The following KCNK1 variants were observed in gnomAD, a reference collection of about 807,000 sequenced individuals.
The protein encoded by KCNK1 is potassium two pore domain channel subfamily K member 1.
In KCNK1, 10 loss-of-function variants were observed where a neutral mutation model predicts 22.2. The ratio of observed to expected loss-of-function variants is 0.45; its 90% CI spans 0.28 to 0.76. KCNK1 has a LOEUF of 0.76. Ranked by LOEUF, KCNK1 falls within the 30% of genes least tolerant of loss-of-function variation. The pLI is 0.14. For synonymous variants in KCNK1, 200 were observed against 186.4 expected, an observed-to-expected ratio of 1.07 and a Z score of -0.60; for missense variants, 378 against 421.0, an observed-to-expected ratio of 0.90 and a Z score of 0.89.
In KCNK1 at chr1:233,671,582, G is replaced by A; in HGVS notation, c.*52G>A. On this transcript the variant is annotated 3_prime_UTR_variant, in exon 3 of 3. Transcript: ENST00000366621. ...AGCACCAGGGTCAGGGTGCAAGGAA[G>A]AGGCTTAAGTATGTTCATTTTTATC... 1 of 1,604,480 alleles carries A rather than the reference G, an allele frequency of 6.2e-7. No individual in the cohort carries two copies. Among genetic ancestry groups the A allele is most frequent in the Non-Finnish European group, 8.5e-7 (1 of 1,173,758 alleles).
At chr1:233,647,295 A>G (rs1251698121) in intron 1 of KCNK1, among the ~76,000 whole-genome samples, 3 of 152,180 alleles carry the variant, frequency 2.0e-5, no homozygotes, top group Non-Finnish European at 4.4e-5. Context: ...GTTCTGGTTT[A>G]ATGAATCACA....
intron 1 of KCNK1, among the ~76,000 whole-genome samples, chr1:233,627,378 C>G (rs1334973716): frequency 8.5e-5 from 13 of 152,200 alleles, no homozygotes; most frequent in Non-Finnish European, 1.8e-4. Context: ...CACGGGTTAC[C>G]AAGGCACTTA....
At chr1:233,650,066 TTGTCCTTGTAATA>T (rs1440025155) in intron 1 of KCNK1, 3 of 533,258 alleles carry the variant, frequency 5.6e-6, no homozygotes, top group South Asian at 4.2e-5. Context: ...TGACACTTTC[TTGTCCTTGTAATA>T]TGCCACCTAG....
At position 233,671,647 on chromosome 1, in the gene KCNK1, C is replaced by CTACTGT; in HGVS notation, c.*119_*124dup. 1 of 1,188,258 alleles carries CTACTGT rather than the reference C, an allele frequency of 8.4e-7. No individual in the cohort carries two copies. Among genetic ancestry groups the CTACTGT allele is most frequent in the Non-Finnish European group, 1.2e-6 (1 of 843,878 alleles). The allele number at this position is 1,188,258 out of a possible 1,614,324, so 73.6% of individuals were successfully genotyped here. ...AAAATTATGTCACTTTAAGAAATAG[C>CTACTGT]TACTGTTTGCAATGTCTTATTAAAA... On this transcript the variant is annotated 3_prime_UTR_variant, in exon 3 of 3. Coordinates refer to ENST00000366621, the MANE Select transcript of KCNK1 (RefSeq NM_002245.4).
intron 1 of KCNK1, among the ~76,000 whole-genome samples, chr1:233,654,372 A>G (rs1571901384): frequency 6.6e-6 from 1 of 152,208 alleles, no homozygotes; most frequent in Non-Finnish European, 1.5e-5. Flanking sequence ...AAATTTTTTT[A>G]AAAAGCGTCA....
Position 233,671,959 on chromosome 1 carries a change from T to G in KCNK1, c.*429T>G. On this transcript the variant is annotated 3_prime_UTR_variant, in exon 3 of 3. Transcript: ENST00000366621. ...CATAGAGATGTGTTTTATAAATAGGTTTATGTGTACTGGTTTGCATGTACC... is the reference window on the plus strand; with the variant it reads ...CATAGAGATGTGTTTTATAAATAGGGTTATGTGTACTGGTTTGCATGTACC... The G allele has an allele frequency of 5.3e-6, 1 of 188,154 alleles. No individual in the cohort carries two copies. The highest frequency in any genetic ancestry group is 1.1e-5 in the Non-Finnish European group (1 of 89,632). The allele number at this position is 188,154 out of a possible 1,614,324, so 11.7% of individuals were successfully genotyped here.
intron 1 of KCNK1, chr1:233,629,911 C>G (rs925359945): frequency 3.9e-5 from 6 of 152,284 alleles, no homozygotes; most frequent in African/African-American, 1.2e-4. Context: ...ACTAGAAAGC[C>G]TGGGTGAGTA....
At chr1:233,656,840 G>C (rs1658307930) in intron 1 of KCNK1, among the ~76,000 whole-genome samples, 1 of 152,036 alleles carries the variant, frequency 6.6e-6, no homozygotes, top group Admixed American at 6.5e-5. Context: ...GTGATCTTGA[G>C]CTCCTGGCCT....
chr1:233,660,116 G>A (rs886067488), intron 1 of KCNK1, among the ~76,000 whole-genome samples: 2 of 152,200 alleles, frequency 1.3e-5, no homozygotes, highest in Non-Finnish European at 2.9e-5. Context: ...CATCAGTGTT[G>A]TTTGAATATT....
chr1:233,646,910 G>T (rs1218523962), intron 1 of KCNK1, among the ~76,000 whole-genome samples: 3 of 152,168 alleles, frequency 2.0e-5, no homozygotes, highest in African/African-American at 7.2e-5. Context: ...GGCTTGGATG[G>T]AAGCTCACAT....
At chr1:233,634,958 T>G (rs923397037) in intron 1 of KCNK1, among the ~76,000 whole-genome samples, 1 of 152,198 alleles carries the variant, frequency 6.6e-6, no homozygotes, top group African/African-American at 2.4e-5. Flanking sequence ...ATTATAACCC[T>G]CACTCGTACT....
At chr1:233,646,550 AT>A (rs1658096914) in intron 1 of KCNK1, among the ~76,000 whole-genome samples, 1 of 151,768 alleles carries the variant, frequency 6.6e-6, no homozygotes, top group Non-Finnish European at 1.5e-5. Flanking sequence ...TATTATTATT[AT>A]TATTATTTTG....
At chr1:233,660,090 A>C (rs1442614358) in intron 1 of KCNK1, among the ~76,000 whole-genome samples, 3 of 152,242 alleles carry the variant, frequency 2.0e-5, no homozygotes, top group African/African-American at 7.2e-5. Context: ...ATGAGTAGTC[A>C]AGGGGACATT....
chr1:233,637,829 C>T (rs1425277151), intron 1 of KCNK1, among the ~76,000 whole-genome samples: 1 of 152,148 alleles, frequency 6.6e-6, no homozygotes, highest in African/African-American at 2.4e-5. Flanking sequence ...GTTCTATTCA[C>T]TGGGCTGAAT....
intron 2 of KCNK1, 40 bp from the exon 3 acceptor site, chr1:233,671,231 G>T: frequency 1.2e-6 from 2 of 1,600,536 alleles, no homozygotes; most frequent in Non-Finnish European, 1.7e-6. Context: ...ATTTATCCAT[G>T]TTGAGATCAC....
chr1:233,614,594 G>A, intron 1 of KCNK1, 68 bp downstream of exon 1: 1 of 1,285,192 alleles, frequency 7.8e-7, no homozygotes. Context: ...CCCCGGCCCC[G>A]GCGCCCCGGG....
chr1:233,657,236 C>G (rs867189253), intron 1 of KCNK1, among the ~76,000 whole-genome samples: 1 of 152,114 alleles, frequency 6.6e-6, no homozygotes, highest in South Asian at 2.1e-4. Context: ...TTTTGTCCCC[C>G]TTCATCCACA....
intron 1 of KCNK1, among the ~76,000 whole-genome samples, chr1:233,622,218 T>C (rs1272686209): frequency 6.6e-6 from 1 of 152,190 alleles, no homozygotes; most frequent in African/African-American, 2.4e-5. Flanking sequence ...CCCATAAAAA[T>C]GGCAATTCCA....
At chr1:233,668,562 A>T (rs1658539644) in intron 2 of KCNK1, among the ~76,000 whole-genome samples, 1 of 152,020 alleles carries the variant, frequency 6.6e-6, no homozygotes, top group African/African-American at 2.4e-5. Flanking sequence ...ATTGCTCATT[A>T]TTTAGCTTTC....
Sources: allele counts gnomAD v4.1 joint callset (sites outside exome capture counted in the v4.1 genomes callset), GRCh38; gene constraint gnomAD v4.1.1; transcripts MANE v1.5; gene names NCBI Gene and HGNC (gene_info 2026-07-23, HGNC 2026-07-21).